The following HKDC1 variants were observed in gnomAD, a reference collection of about 807,000 sequenced individuals.
HKDC1 encodes the protein hexokinase HKDC1.
Under a neutral mutation model 96.6 loss-of-function variants are expected in HKDC1, and 66 were observed. The ratio of observed to expected loss-of-function variants is 0.68; its 90% CI spans 0.56 to 0.84. The LOEUF (loss-of-function observed/expected upper bound fraction) is 0.84, where lower values mean the gene tolerates loss of function less well. Ranked by LOEUF, HKDC1 falls within the 40% of genes least tolerant of loss-of-function variation. HKDC1 has a pLI of 0.00. For synonymous variants in HKDC1, 466 were observed against 473.1 expected, an observed-to-expected ratio of 0.98 and a Z score of 0.20; for missense variants, 1,211 against 1,208.1, an observed-to-expected ratio of 1.00 and a Z score of -0.04.
At chr10:69,258,385 T>C (rs1298685235) in intron 14 of HKDC1, among the ~76,000 whole-genome samples, 2 of 152,196 alleles carry the variant, frequency 1.3e-5, no homozygotes, top group African/African-American at 4.8e-5. Flanking sequence ...CAAGACTAGA[T>C]GATTCCTCAT....
intron 1 of HKDC1, among the ~76,000 whole-genome samples, chr10:69,224,019 G>A (rs1057447302): frequency 3.3e-5 from 5 of 150,900 alleles, no homozygotes; most frequent in African/African-American, 1.2e-4. Context: ...GACCAGCCTG[G>A]ATAACATAGA....
chr10:69,248,223 C>T (rs972993302), intron 9 of HKDC1, among the ~76,000 whole-genome samples: 3 of 151,998 alleles, frequency 2.0e-5, no homozygotes, highest in African/African-American at 2.4e-5. Context: ...AGCACTTCCC[C>T]GAGCCTCCCA....
chr10:69,239,155 G>T lies in HKDC1; in HGVS notation c.591+18G>T, dbSNP rs775222285. On this transcript the variant is annotated intron_variant, in intron 5 of 17. Transcript: ENST00000354624. ...GACACAAGGTGAGGAATTCACCTCG[G>T]TGTGGGAGGCTCTCCCAGCCCTAGC... 185 of 1,589,274 alleles carry T rather than the reference G, an allele frequency of 1.2e-4. No individual in the cohort carries two copies. The highest frequency in any genetic ancestry group is 1.3e-4 in the Admixed American group (8 of 59,764).
chr10:69,262,896 G>T (rs781436609), intron 16 of HKDC1, among the ~76,000 whole-genome samples: 7 of 150,954 alleles, frequency 4.6e-5, no homozygotes, highest in Non-Finnish European at 1.0e-4. Context: ...GCAATAGACC[G>T]ACAAGTTTAC....
intron 1 of HKDC1, among the ~76,000 whole-genome samples, chr10:69,220,837 C>G (rs1048108412): frequency 6.6e-6 from 1 of 152,144 alleles, no homozygotes; most frequent in African/African-American, 2.4e-5. Context: ...GAATCATTTT[C>G]AAAGAAGTTT....
At chr10:69,259,733 C>T (rs1468988990) in intron 15 of HKDC1, among the ~76,000 whole-genome samples, 1 of 152,162 alleles carries the variant, frequency 6.6e-6, no homozygotes, top group Non-Finnish European at 1.5e-5. Flanking sequence ...GCACGTCTTA[C>T]ATGGCTGGAG....
In HKDC1 at chr10:69,250,542, C is replaced by G. The variant is rs779060687; in HGVS notation, c.1726C>G (p.His576Asp). 6.2e-6 allele frequency: 10 copies of G among 1,614,146 alleles called. No individual in the cohort carries two copies. The highest frequency in any genetic ancestry group is 7.6e-6 in the Non-Finnish European group (9 of 1,180,032). ...CTCTCTCTCTCTGCAGCTCTTTGAT[C>G]ACATTGTGCAGTGCATCGCCGACTT... ...MQGTGEELFD[H>D]IVQCIADFLD... Residue 576 changes from histidine (H) to aspartate (D), a missense_variant, in exon 12 of 18, where the codon CAC becomes GAC. Coordinates refer to ENST00000354624, the MANE Select transcript of HKDC1 (RefSeq NM_025130.4).
chr10:69,226,665 A>AT (rs397746568), intron 1 of HKDC1, among the ~76,000 whole-genome samples: 1 of 150,790 alleles, frequency 6.6e-6, no homozygotes, highest in Non-Finnish European at 1.5e-5. Flanking sequence ...AAAAAAAAAA[A>AT]GGAGGGAAAT....
intron 16 of HKDC1, among the ~76,000 whole-genome samples, chr10:69,264,197 C>CTGTGTGTGTGTGTGTG (rs34401681): frequency 1.4e-5 from 2 of 139,446 alleles, no homozygotes; most frequent in African/African-American, 5.6e-5. Context: ...AGATTTCCTT[C>CTGTGTGTGTGTGTGTG]TGTGTGTGTG....
chr10:69,254,172 G>T (rs960323764), intron 12 of HKDC1, among the ~76,000 whole-genome samples: 4 of 152,182 alleles, frequency 2.6e-5, no homozygotes, highest in Admixed American at 6.5e-5. Context: ...GGGTATGGTG[G>T]CGGGTGCCTG....
At chr10:69,259,580 G>A (rs141287291) in intron 15 of HKDC1, among the ~76,000 whole-genome samples, 129 of 152,304 alleles carry the variant, frequency 8.5e-4, no homozygotes, top group South Asian at 3.1e-3. Context: ...CCATTCTCCC[G>A]TTGCTGTAAA....
At chr10:69,261,967 C>T (rs1258690556) in intron 16 of HKDC1, 1 of 276,538 alleles carries the variant, frequency 3.6e-6, no homozygotes, top group African/African-American at 2.3e-5. Context: ...CATAGTTAGA[C>T]CCAGATGCTT....
chr10:69,251,087 C>CTTTTTTTTTTTTTTTTTTTT (rs869084452), intron 12 of HKDC1, among the ~76,000 whole-genome samples: 1 of 92,690 alleles, frequency 1.1e-5, no homozygotes, highest in Non-Finnish European at 2.1e-5. Flanking sequence ...AAATACATTT[C>CTTTTTTTTTTTTTTTTTTTT]TTTTTTTTTT....
In HKDC1 at chr10:69,239,029, A is replaced by G; in HGVS notation, c.496-13A>G. 1 of 1,603,662 alleles carries G rather than the reference A, an allele frequency of 6.2e-7. No homozygotes were observed. ...CGTCTTTCATTCAAACTGGACCTGA[A>G]ATCTTCTCCCAGGGTGTCCTACTTT... On this transcript the variant is annotated splice_polypyrimidine_tract_variant and intron_variant, in intron 4 of 17. Transcript: ENST00000354624.
chr10:69,236,477 G>T (rs1843362663), intron 4 of HKDC1, among the ~76,000 whole-genome samples: 1 of 151,170 alleles, frequency 6.6e-6, no homozygotes, highest in African/African-American at 2.4e-5. Flanking sequence ...CTAAGGAAGG[G>T]CATTTAATTA....
intron 12 of HKDC1, among the ~76,000 whole-genome samples, chr10:69,251,894 G>A (rs1843649111): frequency 6.6e-6 from 1 of 151,634 alleles, no homozygotes; most frequent in Non-Finnish European, 1.5e-5. Flanking sequence ...CGAGTAGCTT[G>A]GATTACAGGT....
rs925458965 is a variant in HKDC1, at chr10:69,250,267, A to G, written c.1571-23A>G. On this transcript the variant is annotated intron_variant, in intron 10 of 17. Transcript: ENST00000354624. ...GACACAAGTCCCTGTCATGGAATGC[A>G]GCTGCTGCTTTCTCCATCACAGAGA... 9 of 1,604,510 alleles carry G rather than the reference A, an allele frequency of 5.6e-6. No homozygotes were observed. The African/African-American group carries it at 1.1e-4, about 19-fold the overall frequency.
At chr10:69,248,774 C>T (rs757414716) in intron 10 of HKDC1, 46 bp downstream of exon 10, 135 of 1,504,740 alleles carry the variant, frequency 9.0e-5, no homozygotes, top group Non-Finnish European at 1.1e-4. Context: ...CCAGGGCTCC[C>T]GTCAAAACTC....
chr10:69,256,690 G>A (rs554680443), intron 12 of HKDC1, among the ~76,000 whole-genome samples: 2 of 151,658 alleles, frequency 1.3e-5, no homozygotes, highest in South Asian at 2.1e-4. Flanking sequence ...CCTGGGAGAC[G>A]AGTGAAATTC....
Sources: allele counts gnomAD v4.1 joint callset (sites outside exome capture counted in the v4.1 genomes callset), GRCh38; gene constraint gnomAD v4.1.1; transcripts MANE v1.5; gene names NCBI Gene and HGNC (gene_info 2026-07-23, HGNC 2026-07-21).